Variants in PCDHA2 observed in about 807,000 individuals in gnomAD.
PCDHA2 encodes protocadherin alpha 2, also known as protocadherin alpha-2.
In PCDHA2, 58 loss-of-function variants were observed where a neutral mutation model predicts 66.0. The observed-to-expected ratio is 0.88, with a 90% confidence interval of 0.71 to 1.09. The LOEUF is 1.09. Among genes scored for constraint, PCDHA2 ranks in the 50% least tolerant of loss-of-function variants. PCDHA2 has a pLI of 0.00. For missense variants in PCDHA2, 1,267 were observed against 1,242.3 expected, an observed-to-expected ratio of 1.02 and a Z score of -0.30; for synonymous variants, 634 against 554.0, an observed-to-expected ratio of 1.14 and a Z score of -2.03.
intron 3 of PCDHA2, among the ~76,000 whole-genome samples, chr5:141,003,395 T>G (rs1217089473): frequency 6.6e-6 from 1 of 152,160 alleles, no homozygotes; most frequent in Non-Finnish European, 1.5e-5. Flanking sequence ...CACTGAAACC[T>G]CCGCCTCCCG....
chr5:140,809,308 G>A, intron 1 of PCDHA2: 18 of 1,614,122 alleles, frequency 1.1e-5, no homozygotes, highest in Non-Finnish European at 1.5e-5. Context: ...TCTGCGCGGT[G>A]TCCAGCCTTT....
In PCDHA2 at chr5:140,805,483, G is replaced by A. The variant is rs1034813993; in HGVS notation, c.2388+8131G>A. On this transcript the variant is annotated intron_variant, in intron 1 of 3. Transcript: ENST00000526136. ...AGTGTAGTTCTTCAATAGAGAGGGAGCGTAAAGCTATTTTCACTAGATTGA... is the reference window on the plus strand; with the variant it reads ...AGTGTAGTTCTTCAATAGAGAGGGAACGTAAAGCTATTTTCACTAGATTGA... 10 of 995,306 alleles carry A rather than the reference G, an allele frequency of 1.0e-5. No individual in the cohort carries two copies. The African/African-American group carries it at 1.4e-4, about 14-fold the overall frequency. 61.7% of individuals were successfully genotyped at this position (995,306 alleles called of 1,614,324 possible).
At chr5:140,801,670 C>G in intron 1 of PCDHA2, 1 of 1,614,208 alleles carries the variant, frequency 6.2e-7, no homozygotes, top group Non-Finnish European at 8.5e-7. Flanking sequence ...GAGGGCGCAT[C>G]AGATGCAGAT....
At chr5:140,848,315 C>A (rs1347571265) in intron 1 of PCDHA2, 1 of 741,172 alleles carries the variant, frequency 1.3e-6, no homozygotes. Flanking sequence ...CTCTTTGCCG[C>A]GATGTTCTCT....
At chr5:140,893,892 C>A (rs1554185839) in intron 1 of PCDHA2, among the ~76,000 whole-genome samples, 1 of 152,184 alleles carries the variant, frequency 6.6e-6, no homozygotes, top group Non-Finnish European at 1.5e-5. Flanking sequence ...CAGAAAGTTA[C>A]TTTACCTTCT....
At chr5:140,870,912 C>A in intron 1 of PCDHA2, 1 of 1,613,952 alleles carries the variant, frequency 6.2e-7, no homozygotes, top group South Asian at 1.1e-5. Context: ...CAGGCTACAA[C>A]GCGTGGCTTT....
intron 1 of PCDHA2, chr5:140,804,878 A>G: frequency 7.2e-6 from 4 of 558,496 alleles, no homozygotes; most frequent in Non-Finnish European, 8.8e-6. Flanking sequence ...ATTTTTCTTG[A>G]CTCCTCTCCT....
Position 140,979,001 on chromosome 5 carries a change from T to C in PCDHA2, c.2441T>C (p.Met814Thr). ...WRYSASLRAG[M>T]HSSVHLEEAG... Reference sequence around the variant, plus strand: ...TACTCTGCCTCCCTGAGAGCAGGCATGCACAGGTATGTATTTCCCTCCTCA... The same window carrying C: ...TACTCTGCCTCCCTGAGAGCAGGCACGCACAGGTATGTATTTCCCTCCTCA... Residue 814 changes from methionine (M) to threonine (T), a missense_variant, in exon 2 of 4, where the codon ATG becomes ACG. By Grantham distance (81) the Met-to-Thr change is moderately conservative (BLOSUM62 -1). Transcript: ENST00000526136. 6.2e-7 allele frequency: 1 copy of C among 1,614,148 alleles called. No individual in the cohort carries two copies. Among genetic ancestry groups the C allele is most frequent in the Non-Finnish European group, 8.5e-7 (1 of 1,180,016 alleles).
Position 140,796,065 on chromosome 5 carries a change from T to G in PCDHA2, c.1101T>G (p.Thr367=). Residue 367 remains threonine (T), a synonymous_variant, in exon 1 of 4, where the codon ACT becomes ACG. Coordinates refer to ENST00000526136, the MANE Select transcript of PCDHA2 (RefSeq NM_018905.3). ...TCTCAGAGAACGCTTCCCTGGGCAC[T>G]GTCATTGCTCTCATCACGGTGTCGG... ...LPISENASLG[T]VIALITVSDR... 2 of 1,614,226 alleles carry G rather than the reference T, an allele frequency of 1.2e-6. No individual in the cohort carries two copies. The highest frequency in any genetic ancestry group is 1.7e-6 in the Non-Finnish European group (2 of 1,180,046).
intron 3 of PCDHA2, among the ~76,000 whole-genome samples, chr5:141,004,794 G>A (rs1272334301): frequency 6.6e-6 from 1 of 152,144 alleles, no homozygotes; most frequent in Non-Finnish European, 1.5e-5. Context: ...GGCAGATTCT[G>A]GCTGAGCTCA....
Position 140,807,876 on chromosome 5 carries a change from T to A in PCDHA2, c.2388+10524T>A, listed in dbSNP as rs781990148. 1.9e-6 allele frequency: 3 copies of A among 1,614,154 alleles called. No individual in the cohort carries two copies. In the South Asian group the frequency reaches 3.3e-5, roughly 18 times the overall value. On this transcript the variant is annotated intron_variant, in intron 1 of 3. Transcript: ENST00000526136. ...TTGACTGGCACCGTTCAGTTACTCA[T>A]CACAGTACTGGATGCCAATGACAAT...
At chr5:140,998,533 T>C (rs1362807124) in intron 3 of PCDHA2, among the ~76,000 whole-genome samples, 1 of 152,020 alleles carries the variant, frequency 6.6e-6, no homozygotes, top group Non-Finnish European at 1.5e-5. Flanking sequence ...TTTATATCCC[T>C]AATTCCTAAT....
intron 1 of PCDHA2, among the ~76,000 whole-genome samples, chr5:140,874,488 A>G (rs1452122658): frequency 2.0e-5 from 3 of 152,254 alleles, no homozygotes; most frequent in African/African-American, 7.2e-5. Flanking sequence ...CAAAAGGTTG[A>G]TATCAAGTTC....
In PCDHA2 at chr5:140,927,522, A is replaced by G. The variant is rs1292484442; in HGVS notation, c.2389-51427A>G. On this transcript the variant is annotated intron_variant, in intron 1 of 3. Coordinates refer to ENST00000526136, the MANE Select transcript of PCDHA2 (RefSeq NM_018905.3). ...TGCTTACAGCTCGGGACGGCGGGCT[A>G]CCTGCCCGCTCAGGAGACGCACAAG... 5.6e-6 allele frequency: 9 copies of G among 1,614,088 alleles called. No homozygotes were observed. In the South Asian group the frequency reaches 9.9e-5, roughly 18 times the overall value.
At chr5:141,003,424 G>A (rs1431935325) in intron 3 of PCDHA2, among the ~76,000 whole-genome samples, 1 of 152,122 alleles carries the variant, frequency 6.6e-6, no homozygotes, top group Non-Finnish European at 1.5e-5. Context: ...TGATTCTTAT[G>A]CCTCAGCCTC....
At position 140,795,181 on chromosome 5, in the gene PCDHA2, G is replaced by A. The variant is rs782211568; in HGVS notation, c.217G>A (p.Asp73Asn). The A allele has an allele frequency of 6.2e-7, 1 of 1,614,110 alleles. No individual in the cohort carries two copies. Among genetic ancestry groups the A allele is most frequent in the South Asian group, 1.1e-5 (1 of 91,072 alleles). ...LFRVASKRHG[D>N]LLEVNLQNGI... ...CCGGGTGGCGTCCAAAAGACACGGG[G>A]ACCTTCTGGAGGTAAATCTGCAGAA... is the stretch of plus-strand genomic sequence containing the variant. Residue 73 changes from aspartate to asparagine, a missense_variant, in exon 1 of 4, where the codon GAC (aspartate) becomes AAC (asparagine). Asp to Asn is a conservative substitution (Grantham distance 23). Transcript: ENST00000526136.
At chr5:140,992,805 A>G (rs2097529327) in intron 3 of PCDHA2, among the ~76,000 whole-genome samples, 1 of 152,078 alleles carries the variant, frequency 6.6e-6, no homozygotes, top group Non-Finnish European at 1.5e-5. Flanking sequence ...ATCCATATGT[A>G]TCTAAGGATG....
chr5:140,911,792 T>C (rs1429471693), intron 1 of PCDHA2, among the ~76,000 whole-genome samples: 1 of 152,190 alleles, frequency 6.6e-6, no homozygotes, highest in Non-Finnish European at 1.5e-5. Context: ...TTTTTGGGTC[T>C]AATCATATTA....
At chr5:140,923,397 G>A (rs1392831353) in intron 1 of PCDHA2, among the ~76,000 whole-genome samples, 2 of 152,128 alleles carry the variant, frequency 1.3e-5, no homozygotes, top group East Asian at 3.9e-4. Flanking sequence ...GCATGGTGGT[G>A]TGTGCCTATA....
Sources: allele counts gnomAD v4.1 joint callset (sites outside exome capture counted in the v4.1 genomes callset), GRCh38; gene constraint gnomAD v4.1.1; transcripts MANE v1.5; gene names NCBI Gene and HGNC (gene_info 2026-07-23, HGNC 2026-07-21).